Variants in PIK3C2G observed in about 807,000 individuals in gnomAD.
PIK3C2G encodes phosphatidylinositol-4-phosphate 3-kinase catalytic subunit type 2 gamma, also known as phosphatidylinositol 3-kinase C2 domain-containing subunit gamma.
In PIK3C2G, 168 loss-of-function variants were observed where a neutral mutation model predicts 181.1. The ratio of observed to expected loss-of-function variants is 0.93; its 90% CI spans 0.82 to 1.05. The LOEUF (loss-of-function observed/expected upper bound fraction) is 1.05, where lower values mean the gene tolerates loss of function less well. Ranked by LOEUF, PIK3C2G falls within the 50% of genes least tolerant of loss-of-function variation. The pLI, the probability that PIK3C2G is intolerant of heterozygous loss-of-function variation, is 0.00. For synonymous variants in PIK3C2G, 573 were observed against 592.2 expected, an observed-to-expected ratio of 0.97 and a Z score of 0.47; for missense variants, 1,869 against 1,732.8, an observed-to-expected ratio of 1.08 and a Z score of -1.40.
chr12:18,513,380 T>TC (rs1942336062), intron 24 of PIK3C2G, among the ~76,000 whole-genome samples: 1 of 151,548 alleles, frequency 6.6e-6, no homozygotes, highest in Non-Finnish European at 1.5e-5. Context: ...GGTATTCTTT[T>TC]TTTTTTATGT....
chr12:18,252,258 T>A (rs1321628731), intron 1 of PIK3C2G, among the ~76,000 whole-genome samples: 1 of 152,160 alleles, frequency 6.6e-6, no homozygotes, highest in Admixed American at 6.6e-5. Flanking sequence ...AAGGTTAGTC[T>A]CTCACCCTGC....
chr12:18,284,777 CAG>C (rs1332022650), intron 2 of PIK3C2G, among the ~76,000 whole-genome samples: 1 of 151,856 alleles, frequency 6.6e-6, no homozygotes, highest in Non-Finnish European at 1.5e-5. Context: ...TAGGAAAGAA[CAG>C]GGGAAAAAAT....
At chr12:18,723,221 T>C in the PIK3C2G span, 2 of 1,181,068 alleles carry the variant, frequency 1.7e-6, no homozygotes, top group South Asian at 2.8e-5. Flanking sequence ...CCACAATTCA[T>C]AAAAATACTT....
intron 29 of PIK3C2G, among the ~76,000 whole-genome samples, chr12:18,590,119 T>TG (rs1000224735): frequency 3.7e-5 from 5 of 135,038 alleles, no homozygotes; most frequent in East Asian, 2.0e-4. Context: ...AATTCAGAGT[T>TG]TTTTTTTTTT....
At chr12:18,724,171 G>A in the PIK3C2G span, among the ~76,000 whole-genome samples, 1 of 152,162 alleles carries the variant, frequency 6.6e-6, no homozygotes, top group East Asian at 1.9e-4. Context: ...GGTTTGATTA[G>A]TTGTGCATTT....
intron 18 of PIK3C2G, among the ~76,000 whole-genome samples, chr12:18,434,096 T>A (rs1003145319): frequency 6.6e-6 from 1 of 152,198 alleles, no homozygotes; most frequent in African/African-American, 2.4e-5. Context: ...CTAGCAGGTT[T>A]GGTGTCTGGT....
At chr12:18,539,413 A>G (rs1301132454) in intron 25 of PIK3C2G, among the ~76,000 whole-genome samples, 2 of 151,934 alleles carry the variant, frequency 1.3e-5, no homozygotes, top group Non-Finnish European at 2.9e-5. Context: ...AGTACTTGCC[A>G]TTTAGTAGAC....
intron 18 of PIK3C2G, among the ~76,000 whole-genome samples, chr12:18,480,937 A>T (rs4475975): frequency 6.6e-6 from 1 of 151,366 alleles, no homozygotes; most frequent in Non-Finnish European, 1.5e-5. Context: ...TTATTTTTTT[A>T]TTTTTTATTT....
Position 18,282,658 on chromosome 12 carries a change from A to G in PIK3C2G, c.577A>G (p.Lys193Glu), listed in dbSNP as rs1441801085. ...SSDFMPKEEN[K>E]RSGHVNIVEP... ...TGACTTCATGCCGAAAGAAGAGAAT[A>G]AAAGGAGTGGACATGTGAACATTGT... The change falls in exon 2 of 33, where the codon AAA becomes GAA. Residue 193 changes from lysine to glutamate, a missense_variant. Physicochemically the swap from Lys to Glu is moderately conservative, Grantham distance 56 (BLOSUM62 1). Coordinates refer to ENST00000538779, the MANE Select transcript of PIK3C2G (RefSeq NM_001288772.2). 3.7e-6 allele frequency: 6 copies of G among 1,613,334 alleles called. No homozygotes were observed. Among genetic ancestry groups the G allele is most frequent in the South Asian group, 1.1e-5 (1 of 91,080 alleles).
intron 18 of PIK3C2G, among the ~76,000 whole-genome samples, chr12:18,443,456 T>A (rs372490327): frequency 2.2e-5 from 2 of 89,234 alleles, no homozygotes; most frequent in African/African-American, 4.5e-5. Flanking sequence ...GGCTTTAAAG[T>A]TTTTTTTTCA....
At chr12:18,466,846 T>A (rs1167005658) in intron 18 of PIK3C2G, among the ~76,000 whole-genome samples, 1 of 152,054 alleles carries the variant, frequency 6.6e-6, no homozygotes, top group African/African-American at 2.4e-5. Context: ...TGCTAATAAC[T>A]AATTCAATCA....
chr12:18,335,499 A>G (rs192851627), intron 8 of PIK3C2G, among the ~76,000 whole-genome samples: 1 of 152,064 alleles, frequency 6.6e-6, no homozygotes, highest in Admixed American at 6.6e-5. Flanking sequence ...TAGTGTGTCT[A>G]TATTTTCTCA....
chr12:18,686,561 CTT>C, the PIK3C2G span, among the ~76,000 whole-genome samples: 1 of 151,966 alleles, frequency 6.6e-6, no homozygotes. Context: ...TATTTTAAGA[CTT>C]ATATTATGGC....
At chr12:18,253,477 G>GTA (rs1239987059) in intron 1 of PIK3C2G, among the ~76,000 whole-genome samples, 1 of 152,096 alleles carries the variant, frequency 6.6e-6, no homozygotes, top group African/African-American at 2.4e-5. Flanking sequence ...GTGTGTATAT[G>GTA]TATATATATG....
chr12:18,394,436 AT>A (rs1431681727), intron 15 of PIK3C2G, among the ~76,000 whole-genome samples: 1 of 152,138 alleles, frequency 6.6e-6, no homozygotes, highest in Non-Finnish European at 1.5e-5. Context: ...AACTAGGAAA[AT>A]AATTGGAAAG....
intron 25 of PIK3C2G, among the ~76,000 whole-genome samples, chr12:18,544,301 C>A (rs942669662): frequency 6.6e-6 from 1 of 151,694 alleles, no homozygotes; most frequent in Non-Finnish European, 1.5e-5. Context: ...CATTTGTGAC[C>A]AGAATGAGGA....
At chr12:18,477,527 A>G (rs998519453) in intron 18 of PIK3C2G, among the ~76,000 whole-genome samples, 43 of 152,170 alleles carry the variant, frequency 2.8e-4, no homozygotes, top group African/African-American at 8.7e-4. Context: ...TCAACAGGAA[A>G]TTAGCCAGGT....
At chr12:18,650,738 A>ATATATATATC (rs1950470272), downstream of PIK3C2G, among the ~76,000 whole-genome samples, 5 of 30,824 alleles carry the variant, frequency 1.6e-4, no homozygotes, top group Non-Finnish European at 2.1e-4. Flanking sequence ...ATATATATAT[A>ATATATATATC]TATATATATA....
chr12:18,485,452 A>G (rs1209368301), intron 18 of PIK3C2G, among the ~76,000 whole-genome samples: 2 of 152,170 alleles, frequency 1.3e-5, no homozygotes, highest in Non-Finnish European at 2.9e-5. Flanking sequence ...AAATTTGCTC[A>G]GTCACCTGGA....
Sources: gnomAD v4.1 joint callset for allele counts (sites outside exome capture counted in the v4.1 genomes callset) on GRCh38, gnomAD v4.1.1 for gene constraint, MANE v1.5 for transcripts, NCBI Gene and HGNC (gene_info 2026-07-23, HGNC 2026-07-21) for gene names.